Variants in SLC25A1 observed in about 807,000 individuals in gnomAD.
SLC25A1 encodes tricarboxylate transport protein, mitochondrial.
SLC25A1 carries 26 observed loss-of-function variants against 38.1 expected under a neutral mutation model. That is an observed-to-expected ratio of 0.68 (90% CI 0.50 to 0.95). The LOEUF is 0.95. Ranked by LOEUF, SLC25A1 falls within the 40% of genes least tolerant of loss-of-function variation. SLC25A1 has a pLI of 0.00. For synonymous variants in SLC25A1, 211 were observed against 183.2 expected, an observed-to-expected ratio of 1.15 and a Z score of -1.23; for missense variants, 378 against 426.6, an observed-to-expected ratio of 0.89 and a Z score of 1.00.
chr22:19,177,214 A>G lies in SLC25A1; in HGVS notation c.442-10T>C. The stretch of plus-strand genomic sequence containing the variant: ...CGTGGATGAACTTCACCTGAGAGAG[A>G]GAAGCAAAGGCGCAGGTTCTCGGCT... On this transcript the variant is annotated splice_polypyrimidine_tract_variant and intron_variant, in intron 4 of 8. Transcript: ENST00000215882. 2 of 1,612,864 alleles carry G rather than the reference A, an allele frequency of 1.2e-6. No homozygotes were observed. The highest frequency in any genetic ancestry group is 1.7e-6 in the Non-Finnish European group (2 of 1,179,044).
In SLC25A1 at chr22:19,176,100, TGGG is replaced by T. The variant is rs1214813274; in HGVS notation, c.*27_*29del. On this transcript the variant is annotated 3_prime_UTR_variant, in exon 9 of 9. Coordinates refer to ENST00000215882, the MANE Select transcript of SLC25A1 (RefSeq NM_005984.5). ...GGTAGCAGGACACTCTGGCGGTGCC[TGGG>T]GCGGTCCCCTTGCGGCCTCTCTAGG... 1 of 1,575,770 alleles carries T rather than the reference TGGG, an allele frequency of 6.3e-7. No individual in the cohort carries two copies. The highest frequency in any genetic ancestry group is 2.2e-5 in the East Asian group (1 of 44,712).
chr22:19,177,956 G>A lies in SLC25A1; in HGVS notation c.288C>T (p.Pro96=). 1 of 1,602,462 alleles carries A rather than the reference G, an allele frequency of 6.2e-7. No individual in the cohort carries two copies. The highest frequency in any genetic ancestry group is 8.5e-7 in the Non-Finnish European group (1 of 1,176,388). ...CCGGGCCTCACCTGACGGCCGCCTT[G>A]GGGATGGAACCGTAGAGCAGGGAGC... is the stretch of plus-strand genomic sequence containing the variant. ...GLSSLLYGSI[P]KAAVRFGMFE... Residue 96 remains proline (P), a synonymous_variant, in exon 3 of 9, where the codon CCC becomes CCT. Transcript: ENST00000215882.
intron 8 of SLC25A1, 75 bp from the exon 9 acceptor site, chr22:19,176,319 G>C: frequency 1.3e-6 from 2 of 1,553,284 alleles, no homozygotes; most frequent in Non-Finnish European, 1.8e-6. Flanking sequence ...CCCAGATACT[G>C]AAGTGAGAGG....
intron 7 of SLC25A1, 21 bp downstream of exon 7, chr22:19,176,557 T>TC (rs2083963317): frequency 2.6e-6 from 4 of 1,559,952 alleles, no homozygotes; most frequent in Non-Finnish European, 2.7e-6. Context: ...CCCCTTCCCC[T>TC]CCCCTTCCCG....
Position 19,177,982 on chromosome 22 carries a change from T to C in SLC25A1, c.262A>G (p.Ser88Gly), listed in dbSNP as rs1555923121. The C allele has an allele frequency of 6.2e-7, 1 of 1,604,486 alleles. No individual in the cohort carries two copies. Among genetic ancestry groups the C allele is most frequent in the East Asian group, 2.2e-5 (1 of 44,460 alleles). ...GGGATGGAACCGTAGAGCAGGGAGC[T>C]AAGGCCGCGGTACAGGCCCAGGACG... The part of the protein sequence containing the change: ...HGVLGLYRGL[S>G]SLLYGSIPKA... Residue 88 changes from serine (S) to glycine (G), a missense_variant, in exon 3 of 9, where the codon AGC (serine) becomes GGC (glycine). By Grantham distance (56) the Ser-to-Gly change is moderately conservative. Transcript: ENST00000215882.
chr22:19,176,319 G>T, intron 8 of SLC25A1, 75 bp from the exon 9 acceptor site: 2 of 1,553,282 alleles, frequency 1.3e-6, no homozygotes, highest in South Asian at 1.1e-5. Context: ...CCCAGATACT[G>T]AAGTGAGAGG....
In SLC25A1 at chr22:19,175,787, TGGGA is replaced by T; in HGVS notation, c.*339_*342del. 5.5e-6 allele frequency: 1 copy of T among 181,086 alleles called. No homozygotes were observed. Among genetic ancestry groups the T allele is most frequent in the Non-Finnish European group, 1.0e-5 (1 of 97,786 alleles). The allele number at this position is 181,086 out of a possible 1,614,324, so 11.2% of individuals were successfully genotyped here. On this transcript the variant is annotated 3_prime_UTR_variant, in exon 9 of 9. Coordinates refer to ENST00000215882, the MANE Select transcript of SLC25A1 (RefSeq NM_005984.5). ...CAGGGCAGGGTGGAAGGCACCGGAC[TGGGA>T]CCGGGCCAGGGCTACAGGGCCGAGG... is the stretch of plus-strand genomic sequence containing the variant.
Position 19,176,445 on chromosome 22 carries a change from A to T in SLC25A1, c.797T>A (p.Ile266Asn). 1 of 1,613,694 alleles carries T rather than the reference A, an allele frequency of 6.2e-7. No individual in the cohort carries two copies. Among genetic ancestry groups the T allele is most frequent in the Non-Finnish European group, 8.5e-7 (1 of 1,179,974 alleles). ...CGCCTTGAGCCCCTCCTTCTTCAGG[A>T]TCTGCAAGCCGCAGTCCCACGTGTT... ...YRNTWDCGLQ[I>N]LKKEGLKAFY... The change falls in exon 8 of 9, where the codon ATC (isoleucine) becomes AAC (asparagine). Residue 266 changes from isoleucine to asparagine, a missense_variant. By Grantham distance (149) the Ile-to-Asn change is moderately radical. Transcript: ENST00000215882.
intron 5 of SLC25A1, 30 bp downstream of exon 5, chr22:19,177,090 G>C: frequency 2.5e-6 from 4 of 1,609,872 alleles, no homozygotes; most frequent in Non-Finnish European, 2.6e-6. Flanking sequence ...CCAGGTCCCT[G>C]AGCCCTATCA....
Position 19,178,133 on chromosome 22 carries a change from C to T in SLC25A1, c.202G>A (p.Gly68Arg), listed in dbSNP as rs2083999806. The part of the protein sequence containing the change: ...RSHPPRYRGI[G>R]DCVRQTVRSH... ...GGCGCCGCGGCCTCCCCCTCCTCAC[C>T]GATGCCCCGGTACCGCGGCGGGTGC... is the stretch of plus-strand genomic sequence containing the variant. The change falls in exon 2 of 9, where the codon GGG becomes AGG. Residue 68 changes from glycine to arginine, a missense_variant and splice_region_variant. By Grantham distance (125) the Gly-to-Arg change is moderately radical. Transcript: ENST00000215882. The surrounding 1 kb of genome is among the most constrained non-coding windows in gnomAD (Gnocchi z 4.9). 6.5e-7 allele frequency: 1 copy of T among 1,543,968 alleles called. No homozygotes were observed. Among genetic ancestry groups the T allele is most frequent in the Non-Finnish European group, 8.7e-7 (1 of 1,144,586 alleles).
At position 19,176,634 on chromosome 22, in the gene SLC25A1, C is replaced by G. The variant is rs2083964985; in HGVS notation, c.691G>C (p.Gly231Arg). ...GTGTTTCCAAAGACACTGGCTGCGC[C>G]TGCAATAGCTCCGAAGACCCCAGTG... ...LITGVFGAIA[G>R]AASVFGNTPL... Residue 231 changes from glycine (G) to arginine (R), a missense_variant, in exon 7 of 9, where the codon GGC becomes CGC. Transcript: ENST00000215882. 2.5e-6 allele frequency: 4 copies of G among 1,614,022 alleles called. No individual in the cohort carries two copies. Among genetic ancestry groups the G allele is most frequent in the Non-Finnish European group, 3.4e-6 (4 of 1,180,030 alleles).
rs1555923629 is a variant in SLC25A1, at chr22:19,178,660, C to T, written c.14G>A (p.Arg5His). The T allele has an allele frequency of 8.6e-7, 1 of 1,159,840 alleles. No individual in the cohort carries two copies. The highest frequency in any genetic ancestry group is 1.1e-6 in the Non-Finnish European group (1 of 941,806). The allele number at this position is 1,159,840 out of a possible 1,614,324, so 71.8% of individuals were successfully genotyped here. A position where few individuals can be genotyped will look rare whatever the true frequency, so the allele number is the denominator to read the frequency against. The stretch of plus-strand genomic sequence containing the variant: ...GGCGGCCGCCAGAGCGCGCGGGGCG[C>T]GGGGCGCGGGCATGGCGGGCGGGAG... MPAP[R>H]APRALAAAAP... is the part of the protein sequence containing the mutation. The change falls in exon 1 of 9, where the codon CGC (arginine) becomes CAC (histidine). Residue 5 changes from arginine (R) to histidine (H), a missense_variant. Arg to His is a conservative substitution (Grantham distance 29). Coordinates refer to ENST00000215882, the MANE Select transcript of SLC25A1 (RefSeq NM_005984.5). This position sits in a 1 kb window ranked among gnomAD's most constrained non-coding sequence, Gnocchi z 4.9.
rs77141741 is a variant in SLC25A1 at position 19,178,571 on chromosome 22, G to A, written c.94+9C>T. The stretch of plus-strand genomic sequence containing the variant: ...GCGGGAGAGGGGTCCGCGTCCCGGA[G>A]GGGCCCACCTGCCAGGATCGCCTTC... On this transcript the variant is annotated intron_variant, in intron 1 of 8. Coordinates refer to ENST00000215882, the MANE Select transcript of SLC25A1 (RefSeq NM_005984.5). This position sits in a 1 kb window ranked among gnomAD's most constrained non-coding sequence, Gnocchi z 4.9. The A allele has an allele frequency of 3.2e-6, 4 of 1,234,804 alleles. No homozygotes were observed. Among genetic ancestry groups the A allele is most frequent in the Middle Eastern group, 2.8e-4 (1 of 3,594 alleles). The allele number at this position is 1,234,804 out of a possible 1,614,324, so 76.5% of individuals were successfully genotyped here.
In SLC25A1 at chr22:19,176,970, G is replaced by T; in HGVS notation, c.527-20C>A. On this transcript the variant is annotated intron_variant, in intron 5 of 8. Transcript: ENST00000215882. ...TCAGCCCTGCGGGAAGGCAGGCACG[G>T]GGTTACCCTGCAGCCTCTCAGGCCC... 6.2e-7 allele frequency: 1 copy of T among 1,612,224 alleles called. No homozygotes were observed. Among genetic ancestry groups the T allele is most frequent in the Non-Finnish European group, 8.5e-7 (1 of 1,178,876 alleles).
intron 4 of SLC25A1, 72 bp from the exon 5 acceptor site, chr22:19,177,276 G>C: frequency 1.9e-5 from 25 of 1,300,252 alleles, no homozygotes; most frequent in Non-Finnish European, 2.8e-5. Context: ...GGCAGGCCCA[G>C]GGCCCATCCA....
Position 19,178,065 on chromosome 22 carries a change from C to CCCACGGCCCTCGGTG in SLC25A1, c.203-39_203-25dup, listed in dbSNP as rs1247016732. The CCCACGGCCCTCGGTG allele has an allele frequency of 6.4e-7, 1 of 1,559,628 alleles. No individual in the cohort carries two copies. Among genetic ancestry groups the CCCACGGCCCTCGGTG allele is most frequent in the Non-Finnish European group, 8.7e-7 (1 of 1,154,830 alleles). On this transcript the variant is annotated intron_variant, in intron 2 of 8. Coordinates refer to ENST00000215882, the MANE Select transcript of SLC25A1 (RefSeq NM_005984.5). The surrounding 1 kb of genome is among the most constrained non-coding windows in gnomAD (Gnocchi z 4.9). ...CCCTGGGGGAGGGGGCGGTCAGGAC[C>CCCACGGCCCTCGGTG]CCACGGCCCTCGGTGCCGCCGCCCT...
At chr22:19,177,667 C>G (rs1025120400) in intron 4 of SLC25A1, 60 bp downstream of exon 4, 2 of 1,593,062 alleles carry the variant, frequency 1.3e-6, no homozygotes, top group Non-Finnish European at 1.7e-6. Context: ...ACCGGGCCAG[C>G]GGGGCCGCCC....
chr22:19,178,507 G>T lies in SLC25A1; in HGVS notation c.94+73C>A. ...CAGCCCACGGCCCAACCCGGAAGTG[G>T]GGCGGGGCCTCAGCGTCCCGGGCCC... is the stretch of plus-strand genomic sequence containing the variant. On this transcript the variant is annotated intron_variant, in intron 1 of 8. Transcript: ENST00000215882. This position sits in a 1 kb window ranked among gnomAD's most constrained non-coding sequence, Gnocchi z 4.9. The T allele has an allele frequency of 7.6e-7, 1 of 1,315,194 alleles. No homozygotes were observed. Among genetic ancestry groups the T allele is most frequent in the Non-Finnish European group, 9.6e-7 (1 of 1,036,378 alleles). The allele number at this position is 1,315,194 out of a possible 1,614,324, so 81.5% of individuals were successfully genotyped here.
intron 6 of SLC25A1, 47 bp downstream of exon 6, chr22:19,176,799 G>C: frequency 6.2e-7 from 1 of 1,604,404 alleles, no homozygotes; most frequent in East Asian, 2.2e-5. Context: ...AAGGAGAGGA[G>C]AGGAGCTGGC....
Sources: allele counts gnomAD v4.1 joint callset, GRCh38; gene constraint gnomAD v4.1.1; non-coding constraint Gnocchi (gnomAD v3.1); transcripts MANE v1.5; gene names NCBI Gene and HGNC (gene_info 2026-07-23, HGNC 2026-07-21).